ZNF704: variants seen among roughly 807,000 people sequenced by gnomAD.
ZNF704 encodes glucocorticoid induced gene 1.
In ZNF704, 10 loss-of-function variants were observed where a neutral mutation model predicts 44.7. The observed-to-expected ratio is 0.22, with a 90% CI of 0.14 to 0.38. ZNF704 has a LOEUF of 0.38. Among genes scored for constraint, ZNF704 ranks in the 10% least tolerant of loss-of-function variants. ZNF704 has a pLI of 1.00. For synonymous variants in ZNF704, 211 were observed against 207.6 expected (o/e 1.02, Z -0.14); for missense variants, 390 against 545.5 (o/e 0.71, Z 2.84).
In ZNF704 at chr8:80,632,644, T is replaced by C. The variant is rs915123262; in HGVS notation, c.*8722A>G. 1.3e-5 allele frequency: 2 copies of C among 152,376 alleles called. No homozygotes were observed. The highest frequency in any genetic ancestry group is 2.4e-5 in the African/African-American group (1 of 41,598). 9.4% of individuals were successfully genotyped at this position (152,376 alleles called of 1,614,324 possible). A position where few individuals can be genotyped will look rare whatever the true frequency, so the allele number is the denominator to read the frequency against. ...TTTAGAAGTTGGTAGTTATTAACTA[T>C]GTGGTGGTGCCTAACATGAAAGAAC... On this transcript the variant is annotated 3_prime_UTR_variant, in exon 9 of 9. Transcript: ENST00000327835.
intron 1 of ZNF704, among the ~76,000 whole-genome samples, chr8:80,822,277 C>A (rs941976691): frequency 2.4e-4 from 36 of 151,298 alleles, no homozygotes; most frequent in African/African-American, 7.6e-4. Context: ...CCCCCCGCCC[C>A]CAACCCATGA....
At chr8:80,796,840 A>C (rs1203052684) in intron 2 of ZNF704, among the ~76,000 whole-genome samples, 1 of 149,370 alleles carries the variant, frequency 6.7e-6, no homozygotes, top group Admixed American at 6.6e-5. Flanking sequence ...AGAAAAGAAA[A>C]GAAAAAAGAA....
chr8:80,806,560 T>C (rs1344414110), intron 2 of ZNF704, among the ~76,000 whole-genome samples: 1 of 152,148 alleles, frequency 6.6e-6, no homozygotes, highest in Non-Finnish European at 1.5e-5. Context: ...ACAAACATAT[T>C]TGAACATCAG....
chr8:80,700,369 C>T (rs1241141981), intron 2 of ZNF704, among the ~76,000 whole-genome samples: 1 of 152,170 alleles, frequency 6.6e-6, no homozygotes, highest in Non-Finnish European at 1.5e-5. Flanking sequence ...TTAGTGAGTG[C>T]TTTTAGGCAA....
chr8:80,748,909 A>C (rs1353514668), intron 2 of ZNF704, among the ~76,000 whole-genome samples: 2 of 152,206 alleles, frequency 1.3e-5, no homozygotes, highest in African/African-American at 4.8e-5. Context: ...ATTCCATTCA[A>C]ACCCTGGTTC....
At chr8:80,762,577 CA>C (rs1173263725) in intron 2 of ZNF704, among the ~76,000 whole-genome samples, 4 of 152,164 alleles carry the variant, frequency 2.6e-5, no homozygotes, top group Non-Finnish European at 5.9e-5. Context: ...GTGGGGATTA[CA>C]GGTCCCTACC....
intron 2 of ZNF704, among the ~76,000 whole-genome samples, chr8:80,807,832 G>C (rs2129822027): frequency 9.4e-6 from 1 of 106,246 alleles, no homozygotes; most frequent in Admixed American, 8.7e-5. Flanking sequence ...GTTAAACATA[G>C]GTTAAATATT....
chr8:80,775,155 T>A (rs535183746), intron 2 of ZNF704, among the ~76,000 whole-genome samples: 1 of 152,252 alleles, frequency 6.6e-6, no homozygotes, highest in African/African-American at 2.4e-5. Flanking sequence ...AAAACAAAAA[T>A]CACTGGATCC....
intron 7 of ZNF704, among the ~76,000 whole-genome samples, chr8:80,649,125 A>G (rs974162621): frequency 6.6e-6 from 1 of 152,198 alleles, no homozygotes; most frequent in Non-Finnish European, 1.5e-5. Context: ...AAATAAAATT[A>G]TTGGGCTATA....
intron 2 of ZNF704, among the ~76,000 whole-genome samples, chr8:80,762,290 C>A (rs1433219828): frequency 6.6e-6 from 1 of 152,064 alleles, no homozygotes; most frequent in African/African-American, 2.4e-5. Context: ...CATACTGTTA[C>A]AAAGAAATAT....
intron 1 of ZNF704, among the ~76,000 whole-genome samples, chr8:80,826,261 A>G (rs1057468353): frequency 6.6e-6 from 1 of 152,212 alleles, no homozygotes; most frequent in African/African-American, 2.4e-5. Context: ...CACCGATCCC[A>G]CAGAAATACA....
At chr8:80,699,403 G>GA (rs60084456) in intron 2 of ZNF704, among the ~76,000 whole-genome samples, 27,244 of 150,616 alleles carry the variant, frequency 0.18, 2,711 homozygotes, top group African/African-American at 0.26. Flanking sequence ...GATGGAAAAA[G>GA]AAAAAAAAAT....
chr8:80,731,859 T>C (rs1026986753), intron 2 of ZNF704, among the ~76,000 whole-genome samples: 1 of 152,224 alleles, frequency 6.6e-6, no homozygotes, highest in African/African-American at 2.4e-5. Context: ...TTTATAGTGC[T>C]TCAGGCTGAT....
At position 80,641,300 on chromosome 8, in the gene ZNF704, A is replaced by T. The variant is rs1817738870; in HGVS notation, c.*66T>A. On this transcript the variant is annotated 3_prime_UTR_variant, in exon 9 of 9. Coordinates refer to ENST00000327835, the MANE Select transcript of ZNF704 (RefSeq NM_001033723.3). ...TATTCAGTAGGAAAAGCTCTTTCCA[A>T]CACCTGCAGTGGCAGGCCAGGGCAG... 1 of 1,114,564 alleles carries T rather than the reference A, an allele frequency of 9.0e-7. No individual in the cohort carries two copies. The highest frequency in any genetic ancestry group is 1.3e-6 in the Non-Finnish European group (1 of 772,814). 69.0% of individuals were successfully genotyped at this position (1,114,564 alleles called of 1,614,324 possible).
chr8:80,793,018 TA>T (rs370479937), intron 2 of ZNF704, among the ~76,000 whole-genome samples: 10 of 152,326 alleles, frequency 6.6e-5, no homozygotes, highest in African/African-American at 1.9e-4. Flanking sequence ...CTAATTCAGT[TA>T]ACCACAGTGC....
At chr8:80,709,241 A>C (rs1183699317) in intron 2 of ZNF704, among the ~76,000 whole-genome samples, 2 of 151,904 alleles carry the variant, frequency 1.3e-5, no homozygotes, top group Non-Finnish European at 2.9e-5. Flanking sequence ...TCAGGAGATC[A>C]AGATCATGCT....
intron 4 of ZNF704, among the ~76,000 whole-genome samples, chr8:80,678,180 A>G (rs1448795126): frequency 6.6e-6 from 1 of 152,254 alleles, no homozygotes; most frequent in African/African-American, 2.4e-5. Flanking sequence ...TTAGAAAACA[A>G]TGTTGCATCC....
chr8:80,769,459 A>T (rs889977077), intron 2 of ZNF704, among the ~76,000 whole-genome samples: 4 of 152,106 alleles, frequency 2.6e-5, no homozygotes, highest in Admixed American at 6.6e-5. Flanking sequence ...TTACAGTTCC[A>T]CATGTTCTTG....
chr8:80,725,074 G>A (rs1218883094), intron 2 of ZNF704, among the ~76,000 whole-genome samples: 1 of 152,194 alleles, frequency 6.6e-6, no homozygotes, highest in Non-Finnish European at 1.5e-5. Flanking sequence ...AGGACTTGAA[G>A]AATAAGACAT....
Sources: gnomAD v4.1 joint callset for allele counts (sites outside exome capture counted in the v4.1 genomes callset) on GRCh38, gnomAD v4.1.1 for gene constraint, MANE v1.5 for transcripts, NCBI Gene and HGNC (gene_info 2026-07-23, HGNC 2026-07-21) for gene names.